Variants in GCA observed in about 807,000 individuals in gnomAD.
GCA encodes grancalcin, EF-hand calcium-binding protein.
In GCA, 30 loss-of-function variants were observed where a neutral mutation model predicts 32.6. That is an observed-to-expected ratio of 0.92 (90% CI 0.69 to 1.25). GCA has a LOEUF of 1.25. GCA is among the 50% of genes most tolerant of loss of function. The pLI, the probability that GCA is intolerant of heterozygous loss-of-function variation, is 0.00. For missense variants in GCA, 291 were observed against 266.8 expected (o/e 1.09, Z -0.63); for synonymous variants, 102 against 84.6 (o/e 1.21, Z -1.13).
chr2:162,344,679 C>A (rs534563564), intron 1 of GCA, among the ~76,000 whole-genome samples: 1 of 145,760 alleles, frequency 6.9e-6, no homozygotes, highest in East Asian at 2.1e-4. Context: ...TCTTTAAGTT[C>A]CTTATGAATA....
chr2:162,338,180 A>G (rs1684332606), intron 1 of GCA, among the ~76,000 whole-genome samples: 1 of 152,160 alleles, frequency 6.6e-6, no homozygotes, highest in Non-Finnish European at 1.5e-5. Context: ...ATAAATTGTA[A>G]TTTTTAAATT....
At chr2:162,337,699 C>T (rs1684314180) in intron 1 of GCA, among the ~76,000 whole-genome samples, 1 of 152,222 alleles carries the variant, frequency 6.6e-6, no homozygotes. Context: ...ATTCTTACCC[C>T]TCTTTGTACC....
intron 1 of GCA, among the ~76,000 whole-genome samples, chr2:162,320,677 A>G (rs1286631121): frequency 1.3e-5 from 2 of 152,144 alleles, no homozygotes; most frequent in African/African-American, 4.8e-5. Context: ...TATATCATTC[A>G]TTGTATCATC....
At chr2:162,346,324 T>G (rs534246734) in intron 1 of GCA, among the ~76,000 whole-genome samples, 12 of 152,218 alleles carry the variant, frequency 7.9e-5, no homozygotes, top group Non-Finnish European at 1.3e-4. Context: ...GGAATAACTT[T>G]TAATCTGTTT....
At chr2:162,352,458 C>A in intron 3 of GCA, 51 bp downstream of exon 3, 1 of 1,123,910 alleles carries the variant, frequency 8.9e-7, no homozygotes, top group Non-Finnish European at 1.3e-6. Flanking sequence ...AGTTTATTTT[C>A]TTACTTTTTT....
Position 162,362,369 on chromosome 2 carries a change from G to T in GCA, c.*2126G>T. 1.0e-6 allele frequency: 1 copy of T among 981,128 alleles called. No individual in the cohort carries two copies. Among genetic ancestry groups the T allele is most frequent in the Non-Finnish European group, 1.2e-6 (1 of 826,350 alleles). 60.8% of individuals were successfully genotyped at this position (981,128 alleles called of 1,614,324 possible). ...TATGTTAACAAAAACATTAGGCCTA[G>T]AGAATATTTTACCAGAATTTTTATA... On this transcript the variant is annotated 3_prime_UTR_variant, in exon 8 of 8. Coordinates refer to ENST00000437150, the MANE Select transcript of GCA (RefSeq NM_012198.5).
Position 162,344,179 on chromosome 2 carries a change from C to A in GCA, c.-70C>A. ...GCAGCTGCGCCTCCTTGCACCTGCG[C>A]CTGTGCTTTTTCTCCCAGCACTGCG... On this transcript the variant is annotated 5_prime_UTR_variant, in exon 1 of 8. Coordinates refer to ENST00000437150, the MANE Select transcript of GCA (RefSeq NM_012198.5). 6.4e-7 allele frequency: 1 copy of A among 1,570,428 alleles called. No individual in the cohort carries two copies. Among genetic ancestry groups the A allele is most frequent in the African/African-American group, 1.3e-5 (1 of 74,178 alleles).
chr2:162,330,871 G>C (rs934317908), intron 1 of GCA, among the ~76,000 whole-genome samples: 1 of 152,146 alleles, frequency 6.6e-6, no homozygotes, highest in African/African-American at 2.4e-5. Context: ...AGAAAATGCA[G>C]GGTTAGGTTC....
exon 5 of GCA, chr2:162,371,407 A>G: frequency 1.6e-6 from 2 of 1,289,520 alleles, no homozygotes; most frequent in South Asian, 2.5e-5. Context: ...TGGAATTCCC[A>G]TGAGTTGAGG....
At chr2:162,337,122 C>A (rs1386095071) in intron 1 of GCA, among the ~76,000 whole-genome samples, 1 of 152,190 alleles carries the variant, frequency 6.6e-6, no homozygotes, top group Non-Finnish European at 1.5e-5. Flanking sequence ...GCCAGGGAGC[C>A]TAACCTCTGT....
At chr2:162,335,677 T>A (rs962206961) in intron 1 of GCA, among the ~76,000 whole-genome samples, 9 of 152,212 alleles carry the variant, frequency 5.9e-5, no homozygotes, top group African/African-American at 2.2e-4. Flanking sequence ...TGAGTTGGAT[T>A]TTCTGTCATA....
intron 1 of GCA, among the ~76,000 whole-genome samples, chr2:162,337,877 T>A (rs756136485): frequency 6.6e-6 from 1 of 152,174 alleles, no homozygotes; most frequent in Non-Finnish European, 1.5e-5. Flanking sequence ...CAAGCACTGG[T>A]GATTGTGTAG....
chr2:162,332,140 T>C (rs1684109945), intron 1 of GCA, among the ~76,000 whole-genome samples: 1 of 151,518 alleles, frequency 6.6e-6, no homozygotes, highest in African/African-American at 2.4e-5. Context: ...AAACCCTGTC[T>C]CTACTAAAAA....
chr2:162,327,684 T>C lies in GCA; in HGVS notation c.-31+8459T>C, dbSNP rs369385753. On this transcript the variant is annotated intron_variant, in intron 1 of 4. Coordinates refer to the GCA transcript ENST00000429691. ...TGAGAGGGGAAAGGGTAAGGAGAGA[T>C]TCCCTGAGCCATGCATGCCTGTGGC... Among the ~76,000 whole-genome samples, 43 of 152,222 alleles carry C rather than the reference T, an allele frequency of 2.8e-4. 1 individual carries two copies. The highest frequency in any genetic ancestry group is 9.6e-4 in the African/African-American group (40 of 41,530).
At chr2:162,335,806 G>T (rs1684251385) in intron 1 of GCA, among the ~76,000 whole-genome samples, 1 of 152,148 alleles carries the variant, frequency 6.6e-6, no homozygotes, top group African/African-American at 2.4e-5. Flanking sequence ...AAATGAACTT[G>T]GAGTCAATTG....
chr2:162,328,549 A>T (rs1683970177), intron 1 of GCA, among the ~76,000 whole-genome samples: 1 of 152,002 alleles, frequency 6.6e-6, no homozygotes, highest in African/African-American at 2.4e-5. Flanking sequence ...CACTGCTCAA[A>T]CCTCTAGGGG....
chr2:162,321,638 T>C (rs1683667092), intron 1 of GCA, among the ~76,000 whole-genome samples: 1 of 152,000 alleles, frequency 6.6e-6, no homozygotes. Flanking sequence ...CACATCTCAA[T>C]ACTATTTCTT....
intron 1 of GCA, 182 bp downstream of exon 1, chr2:162,344,457 C>T (rs1343277753): frequency 1.6e-6 from 1 of 611,276 alleles, no homozygotes; most frequent in Non-Finnish European, 2.9e-6. Flanking sequence ...CCTGGGCTGA[C>T]TTGGAGCCGC....
upstream of GCA, among the ~76,000 whole-genome samples, chr2:162,342,281 T>C (rs1684478628): frequency 6.6e-6 from 1 of 152,242 alleles, no homozygotes; most frequent in South Asian, 2.1e-4. Context: ...AGAGATATAT[T>C]GGCAGGAACT....
Sources: gnomAD v4.1 joint callset for allele counts (sites outside exome capture counted in the v4.1 genomes callset) on GRCh38, gnomAD v4.1.1 for gene constraint, MANE v1.5 for transcripts, NCBI Gene and HGNC (gene_info 2026-07-23, HGNC 2026-07-21) for gene names.